Variants in ADCY2 observed in about 807,000 individuals in gnomAD.
The protein encoded by ADCY2 is adenylate cyclase 2, also known as adenylate cyclase type 2.
Under a neutral mutation model 125.2 loss-of-function variants are expected in ADCY2, and 31 were observed. The observed-to-expected ratio is 0.25, with a 90% CI of 0.19 to 0.33. The LOEUF is 0.33. Among genes scored for constraint, ADCY2 ranks in the 10% least tolerant of loss-of-function variants. ADCY2 has a pLI of 1.00. For missense variants in ADCY2, 904 were observed against 1,418.2 expected (o/e 0.64, Z 5.82); for synonymous variants, 512 against 548.4 (o/e 0.93, Z 0.93).
rs1437472906 is a variant in ADCY2, at chr5:7,548,988, G to C, written c.570+28089G>C. On this transcript the variant is annotated intron_variant, in intron 3 of 24. Transcript: ENST00000338316. Reference sequence around the variant, plus strand: ...TGCTGTTAGCAGCAGATAATTACAGGTGGTGTTTTTGGAGGCGAGGATAAT... The same window carrying C: ...TGCTGTTAGCAGCAGATAATTACAGCTGGTGTTTTTGGAGGCGAGGATAAT... Among the ~76,000 whole-genome samples, 3 of 152,170 alleles carry C rather than the reference G, an allele frequency of 2.0e-5. No homozygotes were observed. In the East Asian group the frequency reaches 5.8e-4, roughly 29 times the overall value.
chr5:7,586,995 C>T (rs984275342), intron 3 of ADCY2, among the ~76,000 whole-genome samples: 4 of 152,056 alleles, frequency 2.6e-5, no homozygotes, highest in Non-Finnish European at 5.9e-5. Context: ...GATAGATAGA[C>T]AAAGACATAG....
At chr5:7,675,569 C>CAT (rs1462161256) in intron 4 of ADCY2, among the ~76,000 whole-genome samples, 3 of 152,184 alleles carry the variant, frequency 2.0e-5, no homozygotes, top group Non-Finnish European at 4.4e-5. Flanking sequence ...TCGAGGCTAA[C>CAT]ATATGAAGGT....
chr5:7,826,557 CT>C (rs772086593), intron 24 of ADCY2, 161 bp from the exon 25 acceptor site: 19 of 918,366 alleles, frequency 2.1e-5, no homozygotes, highest in South Asian at 2.8e-5. Context: ...CCTTTACAAC[CT>C]TTTTTTCTTG....
chr5:7,400,229 G>T (rs540640301), intron 1 of ADCY2, among the ~76,000 whole-genome samples: 1 of 152,234 alleles, frequency 6.6e-6, no homozygotes, highest in African/African-American at 2.4e-5. Flanking sequence ...AGTAGTCAGA[G>T]AAATAAAGTA....
At chr5:7,423,491 T>G (rs374152412) in intron 2 of ADCY2, among the ~76,000 whole-genome samples, 16 of 152,288 alleles carry the variant, frequency 1.1e-4, no homozygotes, top group African/African-American at 3.1e-4. Flanking sequence ...TTATGAGATC[T>G]GATGGTTTTA....
intron 19 of ADCY2, among the ~76,000 whole-genome samples, chr5:7,787,654 G>T (rs1021288957): frequency 6.7e-6 from 1 of 150,050 alleles, no homozygotes; most frequent in African/African-American, 2.4e-5. Context: ...ATTGATAGAT[G>T]GATATAGATA....
chr5:7,483,030 G>A (rs918325251), intron 2 of ADCY2, among the ~76,000 whole-genome samples: 3 of 151,594 alleles, frequency 2.0e-5, no homozygotes, highest in Non-Finnish European at 2.9e-5. Flanking sequence ...GAGGGAAGAG[G>A]GATGAAGAGA....
At chr5:7,651,486 C>A (rs925084022) in intron 4 of ADCY2, among the ~76,000 whole-genome samples, 1 of 152,046 alleles carries the variant, frequency 6.6e-6, no homozygotes, top group African/African-American at 2.4e-5. Context: ...ACTTGAAGTC[C>A]GATGTCCGAG....
At chr5:7,579,168 C>G (rs1193939304) in intron 3 of ADCY2, among the ~76,000 whole-genome samples, 1 of 152,026 alleles carries the variant, frequency 6.6e-6, no homozygotes, top group Non-Finnish European at 1.5e-5. Flanking sequence ...AAAACAAAAC[C>G]ACCTGAAGGC....
intron 4 of ADCY2, among the ~76,000 whole-genome samples, chr5:7,673,239 CAAAAAAAAAAA>C (rs1197772883): frequency 5.7e-4 from 3 of 5,228 alleles, no homozygotes; most frequent in Admixed American, 3.1e-3. Flanking sequence ...CTTGTCTCTC[CAAAAAAAAAAA>C]AAAAAAAAAA....
chr5:7,449,741 A>G (rs1363667451), intron 2 of ADCY2, among the ~76,000 whole-genome samples: 2 of 152,132 alleles, frequency 1.3e-5, no homozygotes, highest in African/African-American at 4.8e-5. Flanking sequence ...ATTTTTTACA[A>G]ATTGAATGTT....
chr5:7,451,020 G>C (rs867613568), intron 2 of ADCY2, among the ~76,000 whole-genome samples: 7 of 152,186 alleles, frequency 4.6e-5, no homozygotes, highest in Admixed American at 6.5e-5. Flanking sequence ...CAATAAGCCT[G>C]ATCACCCAAG....
intron 3 of ADCY2, among the ~76,000 whole-genome samples, chr5:7,541,016 G>A (rs980484): frequency 0.11 from 16,235 of 152,112 alleles, 987 homozygotes; most frequent in Non-Finnish European, 0.12. Context: ...ACAATGGCCC[G>A]CCTATAGTCA....
chr5:7,444,157 C>T (rs1424878635), intron 2 of ADCY2, among the ~76,000 whole-genome samples: 1 of 147,460 alleles, frequency 6.8e-6, no homozygotes, highest in East Asian at 2.0e-4. Context: ...TCTGTCTCCC[C>T]GGCTGGAGTG....
chr5:7,558,726 C>T (rs1352915158), intron 3 of ADCY2, among the ~76,000 whole-genome samples: 1 of 152,104 alleles, frequency 6.6e-6, no homozygotes, highest in Non-Finnish European at 1.5e-5. Context: ...GTTGTGATTG[C>T]TTTTGGCATC....
chr5:7,516,964 A>G (rs571014758), intron 2 of ADCY2, among the ~76,000 whole-genome samples: 3 of 152,210 alleles, frequency 2.0e-5, no homozygotes, highest in Non-Finnish European at 4.4e-5. Context: ...TTCAAAGGTG[A>G]CTTTCAAGGA....
At chr5:7,497,570 A>G (rs926338281) in intron 2 of ADCY2, among the ~76,000 whole-genome samples, 2 of 152,204 alleles carry the variant, frequency 1.3e-5, no homozygotes, top group Non-Finnish European at 2.9e-5. Context: ...TAAGGAGAGC[A>G]AATGAAAGCA....
intron 2 of ADCY2, among the ~76,000 whole-genome samples, chr5:7,507,269 G>A (rs1173226104): frequency 1.4e-5 from 2 of 144,882 alleles, no homozygotes; most frequent in Admixed American, 6.8e-5. Flanking sequence ...GTGAAACCCC[G>A]TCTCTACTAA....
intron 20 of ADCY2, chr5:7,796,325 CAGGGCA>C (rs1171514504): frequency 6.6e-6 from 1 of 152,108 alleles, no homozygotes; most frequent in Non-Finnish European, 1.5e-5. Flanking sequence ...TTTTTGAGTC[CAGGGCA>C]GGGCGTCTTT....
Sources: allele counts gnomAD v4.1 joint callset (sites outside exome capture counted in the v4.1 genomes callset), GRCh38; gene constraint gnomAD v4.1.1; transcripts MANE v1.5; gene names NCBI Gene and HGNC (gene_info 2026-07-23, HGNC 2026-07-21).